Variants in DAZAP1 observed in about 807,000 individuals in gnomAD.
DAZAP1 encodes the protein DAZ associated protein 1.
Under a neutral mutation model 60.1 loss-of-function variants are expected in DAZAP1, and 6 were observed. The ratio of observed to expected loss-of-function variants is 0.10; its 90% CI spans 0.05 to 0.20. DAZAP1 has a LOEUF of 0.20. Ranked by LOEUF, DAZAP1 falls within the 10% of genes least tolerant of loss-of-function variation. The pLI is 1.00. For synonymous variants in DAZAP1, 235 were observed against 215.9 expected, an observed-to-expected ratio of 1.09 and a Z score of -0.78; for missense variants, 366 against 560.4, an observed-to-expected ratio of 0.65 and a Z score of 3.50.
In DAZAP1 at chr19:1,434,045, C is replaced by T. The variant is rs1350140041; in HGVS notation, c.1049-692C>T. The T allele has an allele frequency of 1.7e-5, 10 of 577,564 alleles. No individual in the cohort carries two copies. The Admixed American group carries it at 2.1e-4, about 12-fold the overall frequency. 35.8% of individuals were successfully genotyped at this position (577,564 alleles called of 1,614,324 possible). A position where few individuals can be genotyped will look rare whatever the true frequency, so the allele number is the denominator to read the frequency against. On this transcript the variant is annotated intron_variant, in intron 11 of 11. Transcript: ENST00000233078. The surrounding 1 kb of genome is among the most constrained non-coding windows in gnomAD (Gnocchi z 8.0). The stretch of plus-strand genomic sequence containing the variant: ...TGCCCACGTGCACCCGAATGGGAAC[C>T]CAGAGGTCGTGGGAGGGGCTTCCTG...
Position 1,407,662 on chromosome 19 carries a change from G to GCCGCCT in DAZAP1, c.-112_-111insCCGCCT. ...CGCCGCCGCCGCCGCCGCCGCCGCC[G>GCCGCCT]TTGCGCAGATCCGGGCCGCGGCTGT... On this transcript the variant is annotated 5_prime_UTR_variant, in exon 1 of 12. Transcript: ENST00000233078. The GCCGCCT allele has an allele frequency of 1.0e-6, 1 of 953,270 alleles. No individual in the cohort carries two copies. Among genetic ancestry groups the GCCGCCT allele is most frequent in the Admixed American group, 6.0e-5 (1 of 16,610 alleles). 59.1% of individuals were successfully genotyped at this position (953,270 alleles called of 1,614,324 possible). A position where few individuals can be genotyped will look rare whatever the true frequency, so the allele number is the denominator to read the frequency against.
At chr19:1,413,989 C>CTG (rs3065755) in intron 1 of DAZAP1, among the ~76,000 whole-genome samples, 44,398 of 129,834 alleles carry the variant, frequency 0.34, 7,931 homozygotes, top group Non-Finnish European at 0.42. Context: ...CCCCAGTGAA[C>CTG]TGTGTGTGTG....
rs199898321 is a variant in DAZAP1, at chr19:1,430,010, T to C, written c.730+14T>C. 470 of 1,574,662 alleles carry C rather than the reference T, an allele frequency of 3.0e-4. 1 individual carries two copies. Among genetic ancestry groups the C allele is most frequent in the Non-Finnish European group, 3.6e-4 (421 of 1,159,110 alleles). On this transcript the variant is annotated intron_variant, in intron 9 of 11. Coordinates refer to ENST00000233078, the MANE Select transcript of DAZAP1 (RefSeq NM_018959.4). The stretch of plus-strand genomic sequence containing the variant: ...GACAGGCGATTGGTAAGTCCTTGTT[T>C]ATAGAGCAAAGGCGGGGACAGAAGC...
In DAZAP1 at chr19:1,431,168, G is replaced by A. The variant is rs575233695; in HGVS notation, c.871+806G>A. On this transcript the variant is annotated intron_variant, in intron 10 of 11. Transcript: ENST00000233078. ...TTTTGAGATGGAGTCTCACTCTGTC[G>A]CCCAGGCTAGAGTGCAGTGGCGCCA... Among the ~76,000 whole-genome samples the A allele has an allele frequency of 6.6e-5, 10 of 150,690 alleles. No individual in the cohort carries two copies. In the East Asian group the frequency reaches 1.4e-3, roughly 21 times the overall value.
chr19:1,408,565 G>C (rs1048497418), intron 1 of DAZAP1, among the ~76,000 whole-genome samples: 3 of 152,242 alleles, frequency 2.0e-5, no homozygotes, highest in African/African-American at 7.2e-5. Context: ...GGTCGGGAGG[G>C]GTTCGCAAAC....
At position 1,432,384 on chromosome 19, in the gene DAZAP1, C is replaced by T; in HGVS notation, c.872-130C>T. ...GTCCATTCTGTGGATGTCCACAAGGCCTGGGCGTTCTGTGGGTTTGGGTGG... is the reference window on the plus strand; with the variant it reads ...GTCCATTCTGTGGATGTCCACAAGGTCTGGGCGTTCTGTGGGTTTGGGTGG... On this transcript the variant is annotated intron_variant, in intron 10 of 11. Transcript: ENST00000233078. This position sits in a 1 kb window ranked among gnomAD's most constrained non-coding sequence, Gnocchi z 4.9. 2 of 936,240 alleles carry T rather than the reference C, an allele frequency of 2.1e-6. No homozygotes were observed. The highest frequency in any genetic ancestry group is 1.8e-5 in the Admixed American group (1 of 56,236). 58.0% of individuals were successfully genotyped at this position (936,240 alleles called of 1,614,324 possible).
chr19:1,430,504 C>G (rs2083420550), intron 10 of DAZAP1, 142 bp downstream of exon 10: 3 of 724,942 alleles, frequency 4.1e-6, no homozygotes, highest in Non-Finnish European at 6.4e-6. Context: ...TCACCTGCCA[C>G]CAGGCCCTTC....
Position 1,416,070 on chromosome 19 carries a change from C to CTGAG in DAZAP1, c.30-1427_30-1424dup, listed in dbSNP as rs1282351561. 1 of 152,210 alleles carries CTGAG rather than the reference C, an allele frequency of 6.6e-6. No individual in the cohort carries two copies. The highest frequency in any genetic ancestry group is 2.1e-4 in the South Asian group (1 of 4,830). The allele number at this position is 152,210 out of a possible 1,614,324, so 9.4% of individuals were successfully genotyped here. A position where few individuals can be genotyped will look rare whatever the true frequency, so the allele number is the denominator to read the frequency against. ...TTCACCAGGGGCTGACTCGCGGGGG[C>CTGAG]TGAGTGTACAGGCCCCAGGTGGTGG... On this transcript the variant is annotated intron_variant, in intron 1 of 11. Transcript: ENST00000233078. This position sits in a 1 kb window ranked among gnomAD's most constrained non-coding sequence, Gnocchi z 4.3.
At position 1,432,915 on chromosome 19, in the gene DAZAP1, A is replaced by G. The variant is rs914375703; in HGVS notation, c.1048+225A>G. 2.7e-5 allele frequency: 15 copies of G among 561,272 alleles called. No homozygotes were observed. Among genetic ancestry groups the G allele is most frequent in the Admixed American group, 1.0e-4 (3 of 30,098 alleles). 34.8% of individuals were successfully genotyped at this position (561,272 alleles called of 1,614,324 possible). A position where few individuals can be genotyped will look rare whatever the true frequency, so the allele number is the denominator to read the frequency against. ...TGTCGCAGCAGAGCACTCGTCATAC[A>G]GCAGGTGCTGCAGGGCCTGCATGTG... is the stretch of plus-strand genomic sequence containing the variant. On this transcript the variant is annotated intron_variant, in intron 11 of 11. Transcript: ENST00000233078. This position sits in a 1 kb window ranked among gnomAD's most constrained non-coding sequence, Gnocchi z 4.9.
At chr19:1,410,967 C>T (rs2082812928) in intron 1 of DAZAP1, among the ~76,000 whole-genome samples, 1 of 152,206 alleles carries the variant, frequency 6.6e-6, no homozygotes, top group Admixed American at 6.5e-5. Flanking sequence ...CAGCTCAGAG[C>T]CAGGCCCATG....
rs374618638 is a variant in DAZAP1 at position 1,425,389 on chromosome 19, CCTGA to C, written c.464-486_464-483del. Among the ~76,000 whole-genome samples, 8 of 152,224 alleles carry C rather than the reference CCTGA, an allele frequency of 5.3e-5. No individual in the cohort carries two copies. Among genetic ancestry groups the C allele is most frequent in the African/African-American group, 1.2e-4 (5 of 41,452 alleles). ...CATACACACATCCACGGTGCACACC[CCTGA>C]CTAAGATGGCGCATTCCACGCGGGC... On this transcript the variant is annotated intron_variant, in intron 6 of 11. Transcript: ENST00000233078. The surrounding 1 kb of genome is among the most constrained non-coding windows in gnomAD (Gnocchi z 5.4).
In DAZAP1 at chr19:1,423,187, C is replaced by G. The variant is rs542648424; in HGVS notation, c.463+791C>G. Among the ~76,000 whole-genome samples, 1 of 152,252 alleles carries G rather than the reference C, an allele frequency of 6.6e-6. No homozygotes were observed. Among genetic ancestry groups the G allele is most frequent in the Non-Finnish European group, 1.5e-5 (1 of 68,044 alleles). On this transcript the variant is annotated intron_variant, in intron 6 of 11. Coordinates refer to ENST00000233078, the MANE Select transcript of DAZAP1 (RefSeq NM_018959.4). This position sits in a 1 kb window ranked among gnomAD's most constrained non-coding sequence, Gnocchi z 6.8. The stretch of plus-strand genomic sequence containing the variant: ...GGGCAGCCCCGAGCGCCAGGTGGCG[C>G]CGCAGCATGCCCACCATGCTGGAGC...
intron 6 of DAZAP1, among the ~76,000 whole-genome samples, chr19:1,424,965 C>T (rs1218062991): frequency 2.0e-5 from 3 of 152,204 alleles, no homozygotes; most frequent in Non-Finnish European, 2.9e-5. Flanking sequence ...CCCCGTTAGC[C>T]GGGGGCCGCG....
chr19:1,420,400 G>A (rs530442900), intron 4 of DAZAP1, among the ~76,000 whole-genome samples: 1 of 152,022 alleles, frequency 6.6e-6, no homozygotes, highest in South Asian at 2.1e-4. Flanking sequence ...CGACCGTCAC[G>A]GCGGCGAGCA....
At position 1,413,711 on chromosome 19, in the gene DAZAP1, C is replaced by T. The variant is rs906882042; in HGVS notation, c.30-3789C>T. Among the ~76,000 whole-genome samples the T allele has an allele frequency of 6.6e-5, 10 of 152,214 alleles. No homozygotes were observed. In the East Asian group the frequency reaches 7.7e-4, roughly 12 times the overall value. Reference sequence around the variant, plus strand: ...TAGCACTTTGGGAGGCCGAGGCGGGCGGGTCACCTGCGGTGGGGAGCTCCA... The same window carrying T: ...TAGCACTTTGGGAGGCCGAGGCGGGTGGGTCACCTGCGGTGGGGAGCTCCA... On this transcript the variant is annotated intron_variant, in intron 1 of 11. Transcript: ENST00000233078.
intron 10 of DAZAP1, among the ~76,000 whole-genome samples, chr19:1,430,751 C>A (rs1042270325): frequency 1.4e-5 from 2 of 142,704 alleles, no homozygotes; most frequent in East Asian, 2.1e-4. Flanking sequence ...GATGGAGTTT[C>A]ACTCTGTAGC....
chr19:1,418,113 C>A lies in DAZAP1; in HGVS notation c.71-91C>A. 1 of 1,362,288 alleles carries A rather than the reference C, an allele frequency of 7.3e-7. No individual in the cohort carries two copies. Among genetic ancestry groups the A allele is most frequent in the Non-Finnish European group, 1.0e-6 (1 of 968,156 alleles). 84.4% of individuals were successfully genotyped at this position (1,362,288 alleles called of 1,614,324 possible). A position where few individuals can be genotyped will look rare whatever the true frequency, so the allele number is the denominator to read the frequency against. ...CATCGCTCGGTGCGTGGCTGGTGGA[C>A]TGGAGGAGTGTGCGTGCCGGCAGCA... is the stretch of plus-strand genomic sequence containing the variant. On this transcript the variant is annotated intron_variant, in intron 2 of 11. Coordinates refer to ENST00000233078, the MANE Select transcript of DAZAP1 (RefSeq NM_018959.4). The surrounding 1 kb of genome is among the most constrained non-coding windows in gnomAD (Gnocchi z 5.7).
Position 1,434,444 on chromosome 19 carries a change from C to G in DAZAP1, c.1049-293C>G. 2.7e-6 allele frequency: 1 copy of G among 367,208 alleles called. No homozygotes were observed. Among genetic ancestry groups the G allele is most frequent in the South Asian group, 3.7e-5 (1 of 27,224 alleles). 22.7% of individuals were successfully genotyped at this position (367,208 alleles called of 1,614,324 possible). ...GAGGCTTCTCTACCTCCCCTCACCCCCCCAACCACGTCTTCGGGATTGAAC... is the reference window on the plus strand; with the variant it reads ...GAGGCTTCTCTACCTCCCCTCACCCGCCCAACCACGTCTTCGGGATTGAAC... On this transcript the variant is annotated intron_variant, in intron 11 of 11. Coordinates refer to ENST00000233078, the MANE Select transcript of DAZAP1 (RefSeq NM_018959.4). The surrounding 1 kb of genome is among the most constrained non-coding windows in gnomAD (Gnocchi z 8.0).
In DAZAP1 at chr19:1,428,565, C is replaced by T. The variant is rs2083361464; in HGVS notation, c.547-277C>T. 1 of 385,474 alleles carries T rather than the reference C, an allele frequency of 2.6e-6. No individual in the cohort carries two copies. Among genetic ancestry groups the T allele is most frequent in the Non-Finnish European group, 4.7e-6 (1 of 214,522 alleles). 23.9% of individuals were successfully genotyped at this position (385,474 alleles called of 1,614,324 possible). On this transcript the variant is annotated intron_variant, in intron 7 of 11. Transcript: ENST00000233078. This position sits in a 1 kb window ranked among gnomAD's most constrained non-coding sequence, Gnocchi z 4.0. The stretch of plus-strand genomic sequence containing the variant: ...TCGTCACGCACGAAACCCCCGAGGG[C>T]TCTGGGCTCGGTCCTGCTGCCCCGC...
Sources: allele counts gnomAD v4.1 joint callset (sites outside exome capture counted in the v4.1 genomes callset), GRCh38; gene constraint gnomAD v4.1.1; non-coding constraint Gnocchi (gnomAD v3.1); transcripts MANE v1.5; gene names NCBI Gene and HGNC (gene_info 2026-07-23, HGNC 2026-07-21).